FOXP2: variants seen among roughly 807,000 people sequenced by gnomAD.
The protein encoded by FOXP2 is forkhead box P2, also known as forkhead box protein P2.
In FOXP2, 12 loss-of-function variants were observed where a neutral mutation model predicts 115.8. The ratio of observed to expected loss-of-function variants is 0.10; its 90% CI spans 0.07 to 0.17. The LOEUF (loss-of-function observed/expected upper bound fraction) is 0.17, where lower values mean the gene tolerates loss of function less well. FOXP2 is among the 10% of genes least tolerant of loss of function. The pLI, the probability that FOXP2 is intolerant of heterozygous loss-of-function variation, is 1.00. For synonymous variants in FOXP2, 328 were observed against 297.7 expected, an observed-to-expected ratio of 1.10 and a Z score of -1.05; for missense variants, 629 against 843.5, an observed-to-expected ratio of 0.75 and a Z score of 3.15.
intron 1 of FOXP2, among the ~76,000 whole-genome samples, chr7:114,106,287 A>G (rs1342213558): frequency 6.6e-6 from 1 of 152,016 alleles, no homozygotes; most frequent in African/African-American, 2.4e-5. Context: ...AGTAACTGCC[A>G]GGTAGATGCC....
intron 3 of FOXP2, among the ~76,000 whole-genome samples, chr7:114,555,340 G>GCTA (rs1198893841): frequency 6.6e-6 from 1 of 152,158 alleles, no homozygotes; most frequent in Non-Finnish European, 1.5e-5. Context: ...CTTTGTTACA[G>GCTA]ATAATATAGT....
intron 1 of FOXP2, among the ~76,000 whole-genome samples, chr7:114,204,915 CAAAA>C (rs60413933): frequency 7.1e-6 from 1 of 141,822 alleles, no homozygotes; most frequent in Admixed American, 7.1e-5. Flanking sequence ...TTGTGTGTGC[CAAAA>C]AAAAAAAAAA....
At position 114,440,719 on chromosome 7, in the gene FOXP2, A is replaced by G. The variant is rs550776200; in HGVS notation, c.168+14040A>G. Among the ~76,000 whole-genome samples, 11 of 152,330 alleles carry G rather than the reference A, an allele frequency of 7.2e-5. 1 individual carries two copies. The East Asian group carries it at 1.7e-3, about 24-fold the overall frequency. On this transcript the variant is annotated intron_variant, in intron 2 of 16. Coordinates refer to ENST00000350908, the MANE Select transcript of FOXP2 (RefSeq NM_014491.4). The stretch of plus-strand genomic sequence containing the variant: ...GTATTTAGTTCAGAAAACTCTGCTT[A>G]TAAAATTTAGTAACTTTGCCATATA...
At chr7:114,134,247 CAG>C (rs1226398258) in intron 1 of FOXP2, among the ~76,000 whole-genome samples, 3 of 152,208 alleles carry the variant, frequency 2.0e-5, no homozygotes, top group South Asian at 4.1e-4. Flanking sequence ...GTGAATATCT[CAG>C]AGGGGGTTCA....
chr7:114,323,600 C>G lies in FOXP2; in HGVS notation c.-11+35491C>G, dbSNP rs543985266. 3.9e-5 allele frequency among the ~76,000 whole-genome samples: 6 copies of G among 152,004 alleles called. No homozygotes were observed. The East Asian group carries it at 1.2e-3, about 29-fold the overall frequency. ...ACGATATTGGAAAAGGAGATACTTT[C>G]CAATTTGTCATTTGATTCAGTTACT... On this transcript the variant is annotated intron_variant, in intron 2 of 17. Transcript: ENST00000634411.
intron 1 of FOXP2, among the ~76,000 whole-genome samples, chr7:114,180,037 G>C (rs1299998975): frequency 6.6e-6 from 1 of 151,950 alleles, no homozygotes; most frequent in South Asian, 2.1e-4. Context: ...GAGGATCCAT[G>C]CTAGACCATG....
At chr7:114,260,998 A>G (rs1372734423) in intron 1 of FOXP2, among the ~76,000 whole-genome samples, 1 of 152,218 alleles carries the variant, frequency 6.6e-6, no homozygotes, top group African/African-American at 2.4e-5. Context: ...GTATAAGATT[A>G]CTGTCTCTAC....
intron 2 of FOXP2, among the ~76,000 whole-genome samples, chr7:114,479,137 A>T (rs993797036): frequency 6.6e-6 from 1 of 151,830 alleles, no homozygotes; most frequent in East Asian, 1.9e-4. Context: ...TTCTTTTGTG[A>T]ATAGTGACTT....
intron 9 of FOXP2, among the ~76,000 whole-genome samples, chr7:114,652,784 T>G (rs1464724633): frequency 1.3e-5 from 2 of 152,198 alleles, no homozygotes; most frequent in African/African-American, 2.4e-5. Flanking sequence ...CAAAAAAATC[T>G]TTATACTTTT....
At chr7:114,342,362 T>G (rs1026692460) in intron 2 of FOXP2, among the ~76,000 whole-genome samples, 1 of 151,446 alleles carries the variant, frequency 6.6e-6, no homozygotes, top group Non-Finnish European at 1.5e-5. Context: ...CATAAAAGTT[T>G]ATTCAATATA....
intron 2 of FOXP2, among the ~76,000 whole-genome samples, chr7:114,330,555 G>A (rs1584641805): frequency 6.6e-6 from 1 of 150,376 alleles, no homozygotes; most frequent in Non-Finnish European, 1.5e-5. Context: ...TATATATAAT[G>A]TGAATATGCA....
intron 1 of FOXP2, among the ~76,000 whole-genome samples, chr7:114,185,287 C>G (rs1471008136): frequency 1.3e-5 from 2 of 152,040 alleles, no homozygotes; most frequent in African/African-American, 2.4e-5. Flanking sequence ...TATTGCCAAT[C>G]TAGTATTGAG....
intron 1 of FOXP2, among the ~76,000 whole-genome samples, chr7:114,234,476 G>T (rs1282689042): frequency 1.3e-5 from 2 of 152,138 alleles, no homozygotes; most frequent in Non-Finnish European, 2.9e-5. Context: ...ATGAGGTACA[G>T]GTTGTTTAAC....
intron 1 of FOXP2, among the ~76,000 whole-genome samples, chr7:114,205,704 G>A (rs1325294722): frequency 1.3e-5 from 2 of 152,078 alleles, no homozygotes; most frequent in Non-Finnish European, 2.9e-5. Context: ...ATTGGGGAGA[G>A]GGATGTAGTT....
chr7:114,195,769 G>A (rs1188537053), intron 1 of FOXP2, among the ~76,000 whole-genome samples: 1 of 152,016 alleles, frequency 6.6e-6, no homozygotes, highest in Non-Finnish European at 1.5e-5. Flanking sequence ...AAGTTGATTG[G>A]TAATGTTGAC....
chr7:114,137,413 C>G (rs753453525), intron 1 of FOXP2, among the ~76,000 whole-genome samples: 9 of 152,030 alleles, frequency 5.9e-5, no homozygotes, highest in Non-Finnish European at 1.0e-4. Context: ...AGGAAGTAAA[C>G]ACATCTTTTG....
chr7:114,485,713 A>T (rs1796744193), intron 2 of FOXP2, among the ~76,000 whole-genome samples: 1 of 152,162 alleles, frequency 6.6e-6, no homozygotes, highest in African/African-American at 2.4e-5. Flanking sequence ...TATTCTGAGT[A>T]CTTTACATGT....
intron 1 of FOXP2, among the ~76,000 whole-genome samples, chr7:114,089,288 TA>T (rs2129138720): frequency 6.6e-6 from 1 of 152,244 alleles, no homozygotes; most frequent in South Asian, 2.1e-4. Flanking sequence ...AAAGATCATC[TA>T]AAAGTTCACT....
intron 1 of FOXP2, among the ~76,000 whole-genome samples, chr7:114,118,782 C>T (rs544880790): frequency 1.3e-5 from 2 of 152,116 alleles, no homozygotes; most frequent in Non-Finnish European, 2.9e-5. Flanking sequence ...TTATTTCACT[C>T]TCTCATAAGT....
Sources: allele counts gnomAD v4.1 joint callset (sites outside exome capture counted in the v4.1 genomes callset), GRCh38; gene constraint gnomAD v4.1.1; transcripts MANE v1.5; gene names NCBI Gene and HGNC (gene_info 2026-07-23, HGNC 2026-07-21).